The following SPNS2 variants were observed in gnomAD, a reference collection of about 807,000 sequenced individuals.
SPNS2 encodes the protein sphingosine-1-phosphate transporter SPNS2.
Under a neutral mutation model 57.6 loss-of-function variants are expected in SPNS2, and 37 were observed. The ratio of observed to expected loss-of-function variants is 0.64; its 90% CI spans 0.49 to 0.85. The LOEUF is 0.85. Among genes scored for constraint, SPNS2 ranks in the 40% least tolerant of loss-of-function variants. SPNS2 has a pLI of 0.00. For missense variants in SPNS2, 831 were observed against 779.1 expected (o/e 1.07, Z -0.79); for synonymous variants, 440 against 346.9 (o/e 1.27, Z -2.98).
rs897790374 is a variant in SPNS2, at chr17:4,533,801, T to G, written c.1292T>G (p.Val431Gly). ...TCTCCCCGGCAGATCTGTATCTTCG[T>G]CGGGGAGACGCTGCTGTTTTCTAAC... is the stretch of plus-strand genomic sequence containing the variant. ...SIVGAYICIF[V>G]GETLLFSNWA... Residue 431 changes from valine to glycine, a missense_variant, in exon 9 of 13, where the codon GTC becomes GGC. Around this residue, in one of 2 missense-constraint regions of SPNS2, gnomAD observed 526 missense variants for 400.9 expected, o/e 1.31. Transcript: ENST00000329078. 3 of 1,613,636 alleles carry G rather than the reference T, an allele frequency of 1.9e-6. No individual in the cohort carries two copies. The highest frequency in any genetic ancestry group is 3.3e-5 in the Admixed American group (2 of 60,008).
chr17:4,505,375 TCAGGGTTTCTCCGA>T (rs1236778507), intron 1 of SPNS2, among the ~76,000 whole-genome samples: 3 of 152,190 alleles, frequency 2.0e-5, no homozygotes, highest in African/African-American at 7.2e-5. Context: ...TGTGCTGACA[TCAGGGTTTCTCCGA>T]CAGTGGCTGG....
chr17:4,530,539 G>T, intron 3 of SPNS2, 93 bp from the exon 4 acceptor site: 1 of 1,457,200 alleles, frequency 6.9e-7, no homozygotes, highest in Non-Finnish European at 9.4e-7. Context: ...CTGGCTCCTG[G>T]GCCCTGCAGG....
rs528294019 is a variant in SPNS2, at chr17:4,518,218, C to A, written c.436+4906C>A. On this transcript the variant is annotated intron_variant, in intron 2 of 12. Coordinates refer to ENST00000329078, the MANE Select transcript of SPNS2 (RefSeq NM_001124758.3). ...AGCCAGAGAAGGTTTTGGAACAGGG[C>A]AGTCCGTGTAAAATGTGTGTCTCGG... Among the ~76,000 whole-genome samples the A allele has an allele frequency of 1.1e-3, 160 of 152,230 alleles. 1 individual carries two copies. The highest frequency in any genetic ancestry group is 6.8e-3 in the Middle Eastern group (2 of 294).
intron 2 of SPNS2, among the ~76,000 whole-genome samples, chr17:4,517,884 G>C (rs1243528880): frequency 1.3e-5 from 2 of 152,166 alleles, no homozygotes; most frequent in Non-Finnish European, 2.9e-5. Flanking sequence ...TACCAGAAGT[G>C]AAAAATATGT....
chr17:4,510,314 G>A lies in SPNS2; in HGVS notation c.371-2933G>A, dbSNP rs1904797936. Among the ~76,000 whole-genome samples the A allele has an allele frequency of 6.6e-6, 1 of 152,186 alleles. No homozygotes were observed. The highest frequency in any genetic ancestry group is 2.1e-4 in the South Asian group (1 of 4,830). On this transcript the variant is annotated intron_variant, in intron 1 of 12. Transcript: ENST00000329078. The surrounding 1 kb of genome is among the most constrained non-coding windows in gnomAD (Gnocchi z 4.4). ...GAGTGGTGGGACGGGAGCAGGCCAT[G>A]TTATCCAAAAGCTTCCTGTGTCCTG...
intron 8 of SPNS2, 149 bp from the exon 9 acceptor site, chr17:4,533,639 G>GTC (rs1475960414): frequency 9.5e-7 from 1 of 1,057,876 alleles, no homozygotes; most frequent in Non-Finnish European, 1.4e-6. Context: ...ATGGCTTGAA[G>GTC]TCTCTGGATA....
chr17:4,521,853 C>T (rs1195183885), intron 2 of SPNS2, among the ~76,000 whole-genome samples: 1 of 152,196 alleles, frequency 6.6e-6, no homozygotes, highest in Non-Finnish European at 1.5e-5. Context: ...CCATCAGTGA[C>T]ACGACGTGGG....
In SPNS2 at chr17:4,536,091, A is replaced by C. The variant is rs760817309; in HGVS notation, c.1360A>C (p.Thr454Pro). 1 of 1,611,932 alleles carries C rather than the reference A, an allele frequency of 6.2e-7. No individual in the cohort carries two copies. Among genetic ancestry groups the C allele is most frequent in the South Asian group, 1.1e-5 (1 of 91,044 alleles). ...ADILMYVVIP[T>P]RRATAVALQS... is the part of the protein sequence containing the mutation. ...TGTTCCGCAGTACGTGGTCATCCCC[A>C]CGCGGCGCGCCACTGCCGTGGCCTT... Residue 454 changes from threonine to proline, a missense_variant, in exon 10 of 13, where the codon ACG becomes CCG. Transcript: ENST00000329078.
chr17:4,531,619 A>G, intron 5 of SPNS2, among the ~76,000 whole-genome samples: 1 of 151,998 alleles, frequency 6.6e-6, no homozygotes, highest in East Asian at 1.9e-4. Context: ...GAGGAGCGGA[A>G]GCTTAAGACA....
At chr17:4,519,720 G>T (rs1189142244) in intron 2 of SPNS2, among the ~76,000 whole-genome samples, 1 of 145,676 alleles carries the variant, frequency 6.9e-6, no homozygotes, top group East Asian at 2.0e-4. Context: ...CAAAGACCAC[G>T]GGATTGCGGG....
chr17:4,534,136 G>A (rs1477713697), intron 9 of SPNS2, among the ~76,000 whole-genome samples: 3 of 152,164 alleles, frequency 2.0e-5, no homozygotes, highest in African/African-American at 7.2e-5. Context: ...GCGGTGCCAG[G>A]CTGGCACTGA....
In SPNS2 at chr17:4,499,312, G is replaced by A; in HGVS notation, c.265G>A (p.Ala89Thr). The change falls in exon 1 of 13, where the codon GCT becomes ACT. Residue 89 changes from alanine (A) to threonine (T), a missense_variant. By Grantham distance (58) the Ala-to-Thr change is moderately conservative. Around this residue, in one of 2 missense-constraint regions of SPNS2, gnomAD observed 305 missense variants for 378.3 expected, o/e 0.81. Coordinates refer to ENST00000329078, the MANE Select transcript of SPNS2 (RefSeq NM_001124758.3). This position sits in a 1 kb window ranked among gnomAD's most constrained non-coding sequence, Gnocchi z 5.2. ...CGCAGCTACTGCAAAGGGCCCCGGCGCTCAGCAGCCCAAACCGGCCAGCTT... is the reference window on the plus strand; with the variant it reads ...CGCAGCTACTGCAAAGGGCCCCGGCACTCAGCAGCCCAAACCGGCCAGCTT... Reference protein sequence around the residue: ...GCAATAKGPGAQQPKPASLGR... With the variant: ...GCAATAKGPGTQQPKPASLGR... 1.3e-6 allele frequency: 2 copies of A among 1,494,434 alleles called. No homozygotes were observed. The highest frequency in any genetic ancestry group is 2.8e-5 in the East Asian group (1 of 35,702). The allele number at this position is 1,494,434 out of a possible 1,614,324, so 92.6% of individuals were successfully genotyped here.
chr17:4,538,861 C>T lies in SPNS2; in HGVS notation c.*1413C>T. ...CACCCCCACTCCAGCCTCAGCGGGGCCCCAGCGATGTTTTCTTGTTGTACA... is the reference window on the plus strand; with the variant it reads ...CACCCCCACTCCAGCCTCAGCGGGGTCCCAGCGATGTTTTCTTGTTGTACA... On this transcript the variant is annotated 3_prime_UTR_variant, in exon 13 of 13. Coordinates refer to ENST00000329078, the MANE Select transcript of SPNS2 (RefSeq NM_001124758.3). 1.3e-6 allele frequency: 1 copy of T among 780,508 alleles called. No homozygotes were observed. The highest frequency in any genetic ancestry group is 2.4e-6 in the Non-Finnish European group (1 of 417,880). 48.3% of individuals were successfully genotyped at this position (780,508 alleles called of 1,614,324 possible).
At chr17:4,521,951 C>T (rs139520922) in intron 2 of SPNS2, among the ~76,000 whole-genome samples, 31 of 152,358 alleles carry the variant, frequency 2.0e-4, no homozygotes, top group African/African-American at 7.5e-4. Flanking sequence ...GTAATCCCAG[C>T]ACTTTGGGAG....
At position 4,498,979 on chromosome 17, in the gene SPNS2, C is replaced by G; in HGVS notation, c.-69C>G. 1.1e-6 allele frequency: 1 copy of G among 951,408 alleles called. No homozygotes were observed. Among genetic ancestry groups the G allele is most frequent in the Non-Finnish European group, 1.3e-6 (1 of 799,192 alleles). 58.9% of individuals were successfully genotyped at this position (951,408 alleles called of 1,614,324 possible). On this transcript the variant is annotated 5_prime_UTR_variant, in exon 1 of 13. Transcript: ENST00000329078. ...TGCAGTGGCGGCTCCGCGGCGCACG[C>G]ACGCGCTGAGCGGGCCCAGCCTGGG...
intron 5 of SPNS2, 108 bp from the exon 6 acceptor site, chr17:4,532,431 AGAG>A (rs1905528631): frequency 2.7e-6 from 4 of 1,503,618 alleles, no homozygotes; most frequent in South Asian, 2.3e-5. Context: ...ATACCTGCTC[AGAG>A]GAGAAGCCTA....
At chr17:4,504,393 C>A (rs1483901834) in intron 1 of SPNS2, among the ~76,000 whole-genome samples, 2 of 152,254 alleles carry the variant, frequency 1.3e-5, no homozygotes, top group South Asian at 4.1e-4. Flanking sequence ...CTCTGCCAGC[C>A]CCTCCGCTGT....
chr17:4,510,910 A>G lies in SPNS2; in HGVS notation c.371-2337A>G, dbSNP rs1321868094. On this transcript the variant is annotated intron_variant, in intron 1 of 12. Coordinates refer to ENST00000329078, the MANE Select transcript of SPNS2 (RefSeq NM_001124758.3). This position sits in a 1 kb window ranked among gnomAD's most constrained non-coding sequence, Gnocchi z 4.4. ...AACGAGCTTTGGTTTTTGGCAATAG[A>G]CCTCGTTTCAGATCTCACCTCCAAA... Among the ~76,000 whole-genome samples, 3 of 152,144 alleles carry G rather than the reference A, an allele frequency of 2.0e-5. No individual in the cohort carries two copies. The highest frequency in any genetic ancestry group is 7.2e-5 in the African/African-American group (3 of 41,412).
chr17:4,504,299 T>C (rs7213188), intron 1 of SPNS2, among the ~76,000 whole-genome samples: 149,511 of 152,362 alleles, frequency 0.98, 73,422 homozygotes, highest in East Asian at 1. Context: ...CGCCAGGTGG[T>C]CTAGAATGTC....
Sources: gnomAD v4.1 joint callset for allele counts (sites outside exome capture counted in the v4.1 genomes callset) on GRCh38, gnomAD v4.1.1 for gene constraint, gnomAD v4.1.1 regional missense constraint, Gnocchi (gnomAD v3.1) non-coding constraint, MANE v1.5 for transcripts, NCBI Gene and HGNC (gene_info 2026-07-23, HGNC 2026-07-21) for gene names.